The following ACLY variants were observed in gnomAD, a reference collection of about 807,000 sequenced individuals.
ACLY encodes the protein ATP-citrate synthase.
A neutral mutation model predicts 133.0 loss-of-function variants in ACLY; 41 were observed. The ratio of observed to expected loss-of-function variants is 0.31; its 90% CI spans 0.24 to 0.40. ACLY has a LOEUF of 0.40. ACLY is among the 10% of genes least tolerant of loss of function. The probability of loss-of-function intolerance (pLI) is 1.00; values close to 1 mark genes in which losing one functional copy is unlikely to be tolerated. For synonymous variants in ACLY, 495 were observed against 549.3 expected (o/e 0.90, Z 1.38); for missense variants, 1,046 against 1,453.8 (o/e 0.72, Z 4.56).
At position 41,868,718 on chromosome 17, in the gene ACLY, C is replaced by A; in HGVS notation, c.3202G>T (p.Gly1068Trp). 1 of 1,613,578 alleles carries A rather than the reference C, an allele frequency of 6.2e-7. No homozygotes were observed. The highest frequency in any genetic ancestry group is 8.5e-7 in the Non-Finnish European group (1 of 1,179,906). ...CAACGAATGGACTCACCAATGAACC[C>A]CATACTCCTTCCCAGCACAAAGATG... ...NGIFVLGRSMGFIGHYLDQKR... is the reference protein window; with the variant it reads ...NGIFVLGRSMWFIGHYLDQKR... The change falls in exon 28 of 29, where the codon GGG (glycine) becomes TGG (tryptophan). Residue 1068 changes from glycine to tryptophan, a missense_variant. Transcript: ENST00000352035.
At chr17:41,878,270 CTCTA>C (rs1449884293) in intron 21 of ACLY, 74 bp from the exon 22 acceptor site, 32 of 986,810 alleles carry the variant, frequency 3.2e-5, no homozygotes, top group Non-Finnish European at 4.6e-5. Flanking sequence ...CCCAAGAATG[CTCTA>C]TCTAACCCAA....
In ACLY at chr17:41,882,367, CAAAAAAAAA is replaced by C. The variant is rs34078258; in HGVS notation, c.2265+746_2265+754del. Among the ~76,000 whole-genome samples, 80 of 40,250 alleles carry C rather than the reference CAAAAAAAAA, an allele frequency of 2.0e-3. 1 individual carries two copies. The highest frequency in any genetic ancestry group is 3.2e-3 in the Admixed American group (6 of 1,896). The allele number at this position is 40,250 out of a possible 152,430, so 26.4% of individuals were successfully genotyped here. A position where few individuals can be genotyped will look rare whatever the true frequency, so the allele number is the denominator to read the frequency against. On this transcript the variant is annotated intron_variant, in intron 20 of 28. Transcript: ENST00000352035. Reference sequence around the variant, plus strand: ...GGGCGACAGAGTGAGACCCTGTCTCCAAAAAAAAAAAAAAAAAAAAAAAAAAAAAAGTTG... The same window carrying C: ...GGGCGACAGAGTGAGACCCTGTCTCCAAAAAAAAAAAAAAAAAAAAAGTTG...
intron 25 of ACLY, 52 bp from the exon 26 acceptor site, chr17:41,869,639 G>A (rs782811369): frequency 2.0e-6 from 3 of 1,478,108 alleles, no homozygotes; most frequent in East Asian, 2.3e-5. Flanking sequence ...GCTGGGATGT[G>A]TTTGTTCATA....
chr17:41,918,523 C>A (rs1036926084), intron 1 of ACLY, among the ~76,000 whole-genome samples: 1 of 152,230 alleles, frequency 6.6e-6, no homozygotes, highest in Non-Finnish European at 1.5e-5. Context: ...CAAAAGGCGT[C>A]CCGATGAGCC....
Position 41,910,276 on chromosome 17 carries a change from C to T in ACLY, c.291G>A (p.Lys97=), listed in dbSNP as rs1385566233. The change falls in exon 4 of 29, where the codon AAG becomes AAA. Residue 97 remains lysine, a synonymous_variant. Transcript: ENST00000352035. ...GAAAGTTCTTGAGGAAGCCTGTGGC[C>T]TTGCCAACCTACAGAAAAATTGAGG... ...PRLGQEATVG[K]ATGFLKNFLI... is the part of the protein sequence containing the mutation. 3 of 1,613,526 alleles carry T rather than the reference C, an allele frequency of 1.9e-6. No individual in the cohort carries two copies. The highest frequency in any genetic ancestry group is 2.7e-5 in the African/African-American group (2 of 74,906).
At chr17:41,911,912 C>T (rs1387559905) in intron 3 of ACLY, among the ~76,000 whole-genome samples, 6 of 152,126 alleles carry the variant, frequency 3.9e-5, no homozygotes, top group Middle Eastern at 3.4e-3. Context: ...GTCAGGAGTT[C>T]GAGACCAGCC....
rs1387989925 is a variant in ACLY, at chr17:41,878,215, A to G, written c.2394-19T>C. ...TACAGACCTGGGAGGCAGGAAAAAAAAGACATCCATGTGGATTTTCTTATT... is the reference window on the plus strand; with the variant it reads ...TACAGACCTGGGAGGCAGGAAAAAAGAGACATCCATGTGGATTTTCTTATT... On this transcript the variant is annotated intron_variant, in intron 21 of 28. Coordinates refer to ENST00000352035, the MANE Select transcript of ACLY (RefSeq NM_001096.3). 1 of 1,534,278 alleles carries G rather than the reference A, an allele frequency of 6.5e-7. No homozygotes were observed. Among genetic ancestry groups the G allele is most frequent in the African/African-American group, 1.4e-5 (1 of 70,780 alleles).
intron 23 of ACLY, 28 bp downstream of exon 23, chr17:41,873,783 C>T (rs2144212075): frequency 6.5e-7 from 1 of 1,530,840 alleles, no homozygotes; most frequent in South Asian, 1.2e-5. Flanking sequence ...GCTGCAGGGC[C>T]CTGTAATCTT....
At chr17:41,876,433 G>T (rs1468673672) in intron 22 of ACLY, among the ~76,000 whole-genome samples, 1 of 152,188 alleles carries the variant, frequency 6.6e-6, no homozygotes, top group African/African-American at 2.4e-5. Flanking sequence ...CTCATTGCGA[G>T]CGAGCCATGA....
At chr17:41,908,871 G>T in intron 6 of ACLY, 118 bp downstream of exon 6, 1 of 812,218 alleles carries the variant, frequency 1.2e-6, no homozygotes, top group Non-Finnish European at 2.1e-6. Flanking sequence ...CTCTGCTTGT[G>T]CACATCTGTC....
chr17:41,914,587 G>A (rs1335871696), intron 1 of ACLY, among the ~76,000 whole-genome samples: 1 of 152,176 alleles, frequency 6.6e-6, no homozygotes, highest in African/African-American at 2.4e-5. Context: ...CCAATCCTGA[G>A]TATGGAGCAG....
intron 3 of ACLY, among the ~76,000 whole-genome samples, chr17:41,911,936 G>A (rs1197940597): frequency 1.3e-5 from 2 of 152,188 alleles, no homozygotes. Context: ...CCAACATGGA[G>A]AAACCTCGTC....
chr17:41,887,664 C>T lies in ACLY; in HGVS notation c.1810G>A (p.Ala604Thr). 6.2e-7 allele frequency: 1 copy of T among 1,613,766 alleles called. No homozygotes were observed. Among genetic ancestry groups the T allele is most frequent in the Non-Finnish European group, 8.5e-7 (1 of 1,179,794 alleles). The change falls in exon 17 of 29, where the codon GCC becomes ACC. Residue 604 changes from alanine (A) to threonine (T), a missense_variant. By Grantham distance (58) the Ala-to-Thr change is moderately conservative. Around this residue, in one of 4 missense-constraint regions of ACLY, gnomAD observed 575 missense variants for 804.2 expected, o/e 0.71. Transcript: ENST00000352035. The stretch of plus-strand genomic sequence containing the variant: ...TTCTTGATCAGCTTTCTCGTGAGGG[C>T]CTCAGGGATGCCTTCAGCTATGATG... ...IAIIAEGIPE[A>T]LTRKLIKKAD...
chr17:41,871,355 T>C (rs1555624991), intron 25 of ACLY, among the ~76,000 whole-genome samples: 1 of 151,390 alleles, frequency 6.6e-6, no homozygotes, highest in Non-Finnish European at 1.5e-5. Flanking sequence ...ATCCCACTTT[T>C]TTTTTTTTTT....
Position 41,883,135 on chromosome 17 carries a change from A to G in ACLY, c.2252T>C (p.Met751Thr), listed in dbSNP as rs782490187. 4 of 1,613,840 alleles carry G rather than the reference A, an allele frequency of 2.5e-6. No homozygotes were observed. Among genetic ancestry groups the G allele is most frequent in the South Asian group, 1.1e-5 (1 of 91,078 alleles). The stretch of plus-strand genomic sequence containing the variant: ...TCTCAGCCATACCTCAGAGGAGAAC[A>G]TGGTGGCACACGTCCCGATGCACCA... ...VCWCIGTCATMFSSEVQFGHA... is the reference protein window; with the variant it reads ...VCWCIGTCATTFSSEVQFGHA... Residue 751 changes from methionine (M) to threonine (T), a missense_variant, in exon 20 of 29, where the codon ATG (methionine) becomes ACG (threonine). Met to Thr is a moderately conservative substitution (Grantham distance 81). This residue lies in a region of ACLY where 575 missense variants were observed against 804.2 expected (regional missense o/e 0.71). Coordinates refer to ENST00000352035, the MANE Select transcript of ACLY (RefSeq NM_001096.3).
At chr17:41,911,951 C>A (rs550615001) in intron 3 of ACLY, among the ~76,000 whole-genome samples, 1 of 152,058 alleles carries the variant, frequency 6.6e-6, no homozygotes, top group Non-Finnish European at 1.5e-5. Flanking sequence ...CTCGTCTCTA[C>A]TAAAAATACA....
intron 23 of ACLY, 44 bp downstream of exon 23, chr17:41,873,767 C>G (rs2048660455): frequency 6.7e-7 from 1 of 1,498,506 alleles, no homozygotes; most frequent in African/African-American, 1.4e-5. Context: ...AAATCATTAA[C>G]TCTGAGCTGC....
chr17:41,881,172 G>A (rs1256638890), intron 20 of ACLY, among the ~76,000 whole-genome samples: 4 of 152,070 alleles, frequency 2.6e-5, no homozygotes, highest in African/African-American at 9.7e-5. Flanking sequence ...ACTCACGGCT[G>A]TAATCCCAGC....
upstream of ACLY, among the ~76,000 whole-genome samples, chr17:41,919,177 A>C (rs1023015730): frequency 6.6e-6 from 1 of 151,858 alleles, no homozygotes; most frequent in Non-Finnish European, 1.5e-5. Context: ...GCCTCTTGGG[A>C]GCCTGCGGGG....
Sources: gnomAD v4.1 joint callset for allele counts (sites outside exome capture counted in the v4.1 genomes callset) on GRCh38, gnomAD v4.1.1 for gene constraint, gnomAD v4.1.1 regional missense constraint, MANE v1.5 for transcripts, NCBI Gene and HGNC (gene_info 2026-07-23, HGNC 2026-07-21) for gene names.